The following ADCY2 variants were observed in gnomAD, a reference collection of about 807,000 sequenced individuals.
The protein encoded by ADCY2 is adenylate cyclase 2.
Under a neutral mutation model 125.2 loss-of-function variants are expected in ADCY2, and 31 were observed. That is an observed-to-expected ratio of 0.25 (90% CI 0.19 to 0.33). The LOEUF (loss-of-function observed/expected upper bound fraction) is 0.33, where lower values mean the gene tolerates loss of function less well. ADCY2 is among the 10% of genes least tolerant of loss of function. ADCY2 has a pLI of 1.00. For missense variants in ADCY2, 904 were observed against 1,418.2 expected (o/e 0.64, Z 5.82); for synonymous variants, 512 against 548.4 (o/e 0.93, Z 0.93).
At chr5:7,803,512 T>C (rs1022349782) in intron 21 of ADCY2, among the ~76,000 whole-genome samples, 1 of 152,186 alleles carries the variant, frequency 6.6e-6, no homozygotes, top group Non-Finnish European at 1.5e-5. Flanking sequence ...TCCGTTCTTA[T>C]CCCTACCTTT....
At chr5:7,587,157 C>T (rs374590730) in intron 3 of ADCY2, among the ~76,000 whole-genome samples, 69 of 152,246 alleles carry the variant, frequency 4.5e-4, no homozygotes, top group African/African-American at 1.5e-3. Context: ...TGACTTTCAG[C>T]TGCACCATAC....
At chr5:7,776,497 A>G (rs75724855) in intron 18 of ADCY2, among the ~76,000 whole-genome samples, 2,304 of 152,030 alleles carry the variant, frequency 0.015, 52 homozygotes, top group African/African-American at 0.052. Context: ...CTTCCTGTCC[A>G]CCCAGGCCCC....
intron 15 of ADCY2, among the ~76,000 whole-genome samples, chr5:7,745,424 C>A (rs921937503): frequency 6.6e-6 from 1 of 152,296 alleles, no homozygotes; most frequent in South Asian, 2.1e-4. Context: ...TTCTGCTTTA[C>A]CCAAATGCAC....
intron 2 of ADCY2, among the ~76,000 whole-genome samples, chr5:7,442,345 A>G (rs1198656331): frequency 1.3e-5 from 2 of 151,950 alleles, no homozygotes; most frequent in Non-Finnish European, 2.9e-5. Flanking sequence ...TCCATTTGCT[A>G]TCTCCTTGGG....
intron 11 of ADCY2, 45 bp downstream of exon 11, chr5:7,712,944 A>G (rs1347268709): frequency 7.2e-7 from 1 of 1,380,176 alleles, no homozygotes; most frequent in Non-Finnish European, 1.0e-6. Context: ...ATTGCTCTTT[A>G]TTCATTTCTG....
chr5:7,685,566 T>C (rs1740494898), intron 4 of ADCY2, among the ~76,000 whole-genome samples: 1 of 152,180 alleles, frequency 6.6e-6, no homozygotes, highest in Non-Finnish European at 1.5e-5. Context: ...TTTCAAATAG[T>C]AAGAGTAAGA....
At chr5:7,615,522 T>G (rs1737725299) in intron 3 of ADCY2, among the ~76,000 whole-genome samples, 1 of 152,188 alleles carries the variant, frequency 6.6e-6, no homozygotes, top group African/African-American at 2.4e-5. Context: ...TGTCTCAAAA[T>G]TTTTGGAAGA....
At chr5:7,784,315 C>T (rs368599033) in intron 18 of ADCY2, 50 bp from the exon 19 acceptor site, 87 of 1,287,748 alleles carry the variant, frequency 6.8e-5, no homozygotes, top group South Asian at 3.9e-4. Context: ...GTCCTGTATG[C>T]GTGTTGTTTT....
rs568612707 is a variant in ADCY2, at chr5:7,784,945, C to T, written c.2469+496C>T. On this transcript the variant is annotated intron_variant, in intron 19 of 24. Coordinates refer to ENST00000338316, the MANE Select transcript of ADCY2 (RefSeq NM_020546.3). ...TGCAATGCAAATGAAACTGTTCTTCCTTCTTTGGTCCCTCCAACCCTTCTG... is the reference window on the plus strand; with the variant it reads ...TGCAATGCAAATGAAACTGTTCTTCTTTCTTTGGTCCCTCCAACCCTTCTG... 2.6e-5 allele frequency among the ~76,000 whole-genome samples: 4 copies of T among 152,284 alleles called. No homozygotes were observed. In the South Asian group the frequency reaches 8.3e-4, roughly 32 times the overall value.
intron 2 of ADCY2, among the ~76,000 whole-genome samples, chr5:7,450,603 G>A (rs991602077): frequency 1.3e-5 from 2 of 152,112 alleles, no homozygotes; most frequent in African/African-American, 4.8e-5. Context: ...TGATGAAGGT[G>A]GCCACACTAA....
At chr5:7,721,870 G>A (rs1579355859) in intron 12 of ADCY2, among the ~76,000 whole-genome samples, 1 of 152,098 alleles carries the variant, frequency 6.6e-6, no homozygotes, top group Non-Finnish European at 1.5e-5. Context: ...TTCTATACGG[G>A]AAAATCTTCA....
At chr5:7,626,120 A>T in intron 3 of ADCY2, 47 bp from the exon 4 acceptor site, 1 of 1,577,220 alleles carries the variant, frequency 6.3e-7, no homozygotes. Flanking sequence ...TTGTATTCAC[A>T]AGTGAGAAAC....
In ADCY2 at chr5:7,805,311, A is replaced by G. The variant is rs559406653; in HGVS notation, c.2883+619A>G. Among the ~76,000 whole-genome samples the G allele has an allele frequency of 3.3e-5, 5 of 152,296 alleles. No homozygotes were observed. In the South Asian group the frequency reaches 8.3e-4, roughly 25 times the overall value. On this transcript the variant is annotated intron_variant, in intron 22 of 24. Coordinates refer to ENST00000338316, the MANE Select transcript of ADCY2 (RefSeq NM_020546.3). ...ACTCCAGCCCGTGTGACAGAGTGAC[A>G]CCGCATCTAAAAAATGAATTAAAAT... is the stretch of plus-strand genomic sequence containing the variant.
In ADCY2 at chr5:7,646,959, G is replaced by A. The variant is rs1317076062; in HGVS notation, c.720+20643G>A. 4.6e-5 allele frequency among the ~76,000 whole-genome samples: 7 copies of A among 152,146 alleles called. No homozygotes were observed. In the East Asian group the frequency reaches 5.8e-4, roughly 13 times the overall value. Reference sequence around the variant, plus strand: ...AACACTTGGTCTTGGGATTGCCTGCGTTCGCTGCCCCATGTTCCAGCATCA... The same window carrying A: ...AACACTTGGTCTTGGGATTGCCTGCATTCGCTGCCCCATGTTCCAGCATCA... On this transcript the variant is annotated intron_variant, in intron 4 of 24. Coordinates refer to ENST00000338316, the MANE Select transcript of ADCY2 (RefSeq NM_020546.3).
At chr5:7,460,810 C>T (rs1055274246) in intron 2 of ADCY2, among the ~76,000 whole-genome samples, 7 of 152,132 alleles carry the variant, frequency 4.6e-5, no homozygotes, top group Non-Finnish European at 1.0e-4. Flanking sequence ...AGGGAGGAGA[C>T]ACAACCTTGC....
intron 1 of ADCY2, among the ~76,000 whole-genome samples, chr5:7,399,179 T>C (rs1327690739): frequency 3.3e-5 from 5 of 152,140 alleles, no homozygotes; most frequent in Non-Finnish European, 5.9e-5. Context: ...GACAGATTCC[T>C]TTTTTTCCCC....
chr5:7,569,338 G>T (rs1423574606), intron 3 of ADCY2, among the ~76,000 whole-genome samples: 1 of 152,142 alleles, frequency 6.6e-6, no homozygotes, highest in Non-Finnish European at 1.5e-5. Flanking sequence ...CCTGGCTGTT[G>T]GATGTGGATG....
intron 22 of ADCY2, among the ~76,000 whole-genome samples, chr5:7,815,404 T>C (rs1363210980): frequency 6.6e-6 from 1 of 152,086 alleles, no homozygotes; most frequent in Non-Finnish European, 1.5e-5. Flanking sequence ...CCGCATGTCA[T>C]TGAAACCCCG....
At chr5:7,512,851 G>A (rs1215697999) in intron 2 of ADCY2, among the ~76,000 whole-genome samples, 1 of 152,108 alleles carries the variant, frequency 6.6e-6, no homozygotes, top group Non-Finnish European at 1.5e-5. Context: ...ACCTGTGGAA[G>A]CATCTGGAAG....
Sources: gnomAD v4.1 joint callset for allele counts (sites outside exome capture counted in the v4.1 genomes callset) on GRCh38, gnomAD v4.1.1 for gene constraint, MANE v1.5 for transcripts, NCBI Gene and HGNC (gene_info 2026-07-23, HGNC 2026-07-21) for gene names.